Variants in AP3B2 observed in about 807,000 individuals in gnomAD.
The protein encoded by AP3B2 is adaptor related protein complex 3 subunit beta 2.
A neutral mutation model predicts 126.9 loss-of-function variants in AP3B2; 50 were observed. The ratio of observed to expected loss-of-function variants is 0.39; its 90% CI spans 0.31 to 0.50. The LOEUF (loss-of-function observed/expected upper bound fraction) is 0.50. AP3B2 is among the 20% of genes least tolerant of loss of function. The pLI, the probability that AP3B2 is intolerant of heterozygous loss-of-function variation, is 0.79. For missense variants in AP3B2, 1,177 were observed against 1,426.4 expected, an observed-to-expected ratio of 0.83 and a Z score of 2.82; for synonymous variants, 541 against 565.0, an observed-to-expected ratio of 0.96 and a Z score of 0.60.
At chr15:82,689,587 C>G in intron 1 of AP3B2, 134 bp from the exon 2 acceptor site, 1 of 717,840 alleles carries the variant, frequency 1.4e-6, no homozygotes, top group Non-Finnish European at 2.4e-6. Flanking sequence ...GGGACCAGAG[C>G]CAGGGGGAAC....
rs754270996 is a variant in AP3B2, at chr15:82,664,460, T to C, written c.2168A>G (p.Lys723Arg). 6.2e-7 allele frequency: 1 copy of C among 1,613,758 alleles called. No individual in the cohort carries two copies. Residue 723 changes from lysine (K) to arginine (R), a missense_variant, in exon 19 of 27, where the codon AAG (lysine) becomes AGG (arginine). By Grantham distance (26) the Lys-to-Arg change is conservative (BLOSUM62 2). This residue lies in a region of AP3B2 where 587 missense variants were observed against 571.3 expected (regional missense o/e 1.03). Coordinates refer to ENST00000535359, the MANE Select transcript of AP3B2 (RefSeq NM_001278512.2). The surrounding 1 kb of genome is among the most constrained non-coding windows in gnomAD (Gnocchi z 4.5). ...CCCAGAGCCGCTCTCACTGCTGCTC[T>C]TACTGTCCGATTCACTCTCAGACTC... ...DPESESESDS[K>R]SSSESGSGES...
chr15:82,670,094 C>CA (rs2048127482), intron 14 of AP3B2, among the ~76,000 whole-genome samples: 2 of 53,046 alleles, frequency 3.8e-5, no homozygotes, highest in Non-Finnish European at 8.0e-5. Flanking sequence ...AAAAAAAAAT[C>CA]AGTGGCTTTT....
rs747201211 is a variant in AP3B2, at chr15:82,662,766, G to T, written c.2761C>A (p.Pro921Thr). The T allele has an allele frequency of 1.2e-6, 2 of 1,613,886 alleles. No individual in the cohort carries two copies. Among genetic ancestry groups the T allele is most frequent in the Admixed American group, 3.3e-5 (2 of 59,998 alleles). ...GTGCCCACATGCAGGCCCTTGATGG[G>T]GGTATCAGAGCTGTTGGAGAAGTGG... The part of the protein sequence containing the change: ...HIHFSNSSDT[P>T]IKGLHVGTPK... Residue 921 changes from proline (P) to threonine (T), a missense_variant, in exon 23 of 27, where the codon CCC becomes ACC. Physicochemically the swap from Pro to Thr is conservative, Grantham distance 38 (BLOSUM62 -1). Coordinates refer to ENST00000535359, the MANE Select transcript of AP3B2 (RefSeq NM_001278512.2).
rs376957621 is a variant in AP3B2 at position 82,699,548 on chromosome 15, G to A, written c.113+10046C>T. On this transcript the variant is annotated intron_variant, in intron 1 of 26. Coordinates refer to ENST00000535359, the MANE Select transcript of AP3B2 (RefSeq NM_001278512.2). ...AGCCTCCATCAGAGGAGGTGGGACC[G>A]GAAGAGGTCTGGGCTGAGAGTGCAA... 1.9e-4 allele frequency: 76 copies of A among 399,028 alleles called. No homozygotes were observed. The South Asian group carries it at 7.7e-3, about 40-fold the overall frequency. The allele number at this position is 399,028 out of a possible 1,614,324, so 24.7% of individuals were successfully genotyped here.
In AP3B2 at chr15:82,659,389, T is replaced by A; in HGVS notation, c.*171A>T. The A allele has an allele frequency of 1.4e-6, 1 of 738,760 alleles. No individual in the cohort carries two copies. Among genetic ancestry groups the A allele is most frequent in the Middle Eastern group, 2.8e-4 (1 of 3,560 alleles). The allele number at this position is 738,760 out of a possible 1,614,324, so 45.8% of individuals were successfully genotyped here. A position where few individuals can be genotyped will look rare whatever the true frequency, so the allele number is the denominator to read the frequency against. ...TCTGCACAGATCACTAAGGAATCCA[T>A]GGGGAGGGCATTAGGGGAGGGCTTG... is the stretch of plus-strand genomic sequence containing the variant. On this transcript the variant is annotated 3_prime_UTR_variant, in exon 27 of 27. Transcript: ENST00000535359.
chr15:82,660,101 G>A (rs2047913194), intron 25 of AP3B2, 118 bp from the exon 26 acceptor site: 2 of 1,288,352 alleles, frequency 1.6e-6, no homozygotes, highest in Non-Finnish European at 2.2e-6. Context: ...CAAAGGGCAG[G>A]TCAGAATTTA....
In AP3B2 at chr15:82,709,634, C is replaced by T; in HGVS notation, c.73G>A (p.Asp25Asn). The change falls in exon 1 of 27, where the codon GAC (aspartate) becomes AAC (asparagine). Residue 25 changes from aspartate to asparagine, a missense_variant. Physicochemically the swap from Asp to Asn is conservative, Grantham distance 23. Around this residue, in one of 5 missense-constraint regions of AP3B2, gnomAD observed 49 missense variants for 39.3 expected, o/e 1.25. Coordinates refer to ENST00000535359, the MANE Select transcript of AP3B2 (RefSeq NM_001278512.2). ...GAGAAGATGCCGCCGCTCGCGGGGT[C>T]GTGGCCGTACTCGGGCTCCCCGGGG... ...AGPGEPEYGH[D>N]PASGGIFSSD... 3 of 1,520,398 alleles carry T rather than the reference C, an allele frequency of 2.0e-6. No individual in the cohort carries two copies. Among genetic ancestry groups the T allele is most frequent in the Non-Finnish European group, 2.6e-6 (3 of 1,137,024 alleles). The allele number at this position is 1,520,398 out of a possible 1,614,324, so 94.2% of individuals were successfully genotyped here.
At chr15:82,688,391 C>G in intron 4 of AP3B2, 1 of 701,924 alleles carries the variant, frequency 1.4e-6, no homozygotes, top group Non-Finnish European at 2.6e-6. Context: ...ACAATTCACA[C>G]CTTTACACAA....
At chr15:82,682,451 A>G (rs909635004) in intron 4 of AP3B2, among the ~76,000 whole-genome samples, 2 of 152,132 alleles carry the variant, frequency 1.3e-5, no homozygotes, top group Non-Finnish European at 2.9e-5. Flanking sequence ...CTGTCTTCCC[A>G]CTATCAGCAG....
Position 82,695,405 on chromosome 15 carries a change from T to C in AP3B2, c.114-5952A>G, listed in dbSNP as rs569015759. 2.4e-3 allele frequency among the ~76,000 whole-genome samples: 359 copies of C among 152,246 alleles called. 2 individuals are homozygous for C. The highest frequency in any genetic ancestry group is 8.4e-3 in the African/African-American group (348 of 41,556). ...TGAGCTGCTGTGCCCAGCTGAGGGT[T>C]GAAACTTTCAATCCCACTATTTGAC... On this transcript the variant is annotated intron_variant, in intron 1 of 26. Coordinates refer to ENST00000535359, the MANE Select transcript of AP3B2 (RefSeq NM_001278512.2).
intron 1 of AP3B2, among the ~76,000 whole-genome samples, chr15:82,704,796 A>C (rs905083239): frequency 6.6e-6 from 1 of 152,248 alleles, no homozygotes; most frequent in African/African-American, 2.4e-5. Context: ...CTTACAGTGG[A>C]GGGTAAGTCC....
At position 82,659,720 on chromosome 15, in the gene AP3B2, G is replaced by A; in HGVS notation, c.3156-10C>T. ...TGTCCTCCCTGCAAACCTGAGGTGG[G>A]AATAGAAGGGGTGAGGAAGAGCTGC... On this transcript the variant is annotated splice_polypyrimidine_tract_variant and intron_variant, in intron 26 of 26. Coordinates refer to ENST00000535359, the MANE Select transcript of AP3B2 (RefSeq NM_001278512.2). The A allele has an allele frequency of 6.2e-7, 1 of 1,613,668 alleles. No individual in the cohort carries two copies. Among genetic ancestry groups the A allele is most frequent in the Middle Eastern group, 1.7e-4 (1 of 6,060 alleles).
chr15:82,665,145 G>A lies in AP3B2; in HGVS notation c.2028+102C>T, dbSNP rs2048028770. ...CACAGAGGAGCACTGCCAAACCAAG[G>A]TGGAAACAGAGTATGGGAAGGCCCA... On this transcript the variant is annotated intron_variant, in intron 17 of 26. Coordinates refer to ENST00000535359, the MANE Select transcript of AP3B2 (RefSeq NM_001278512.2). The surrounding 1 kb of genome is among the most constrained non-coding windows in gnomAD (Gnocchi z 4.4). The A allele has an allele frequency of 7.4e-7, 1 of 1,354,996 alleles. No individual in the cohort carries two copies. Among genetic ancestry groups the A allele is most frequent in the Non-Finnish European group, 1.0e-6 (1 of 987,476 alleles). 83.9% of individuals were successfully genotyped at this position (1,354,996 alleles called of 1,614,324 possible). A position where few individuals can be genotyped will look rare whatever the true frequency, so the allele number is the denominator to read the frequency against.
At chr15:82,667,096 G>A (rs1170408588) in intron 14 of AP3B2, among the ~76,000 whole-genome samples, 163 bp from the exon 15 acceptor site, 2 of 152,132 alleles carry the variant, frequency 1.3e-5, no homozygotes, top group African/African-American at 4.8e-5. Flanking sequence ...CTTGTTCTGG[G>A]CTCAGAATTT....
At chr15:82,692,293 C>A in intron 1 of AP3B2, 1 of 691,962 alleles carries the variant, frequency 1.4e-6, no homozygotes, top group Non-Finnish European at 2.4e-6. Context: ...AAAAGGTCTT[C>A]CACGTCCTTC....
intron 14 of AP3B2, among the ~76,000 whole-genome samples, chr15:82,667,856 T>G (rs2048085830): frequency 6.6e-6 from 1 of 152,186 alleles, no homozygotes. Context: ...CCCCATCTGC[T>G]TCCCTTCACT....
Position 82,665,701 on chromosome 15 carries a change from A to G in AP3B2, c.1853-126T>C. On this transcript the variant is annotated intron_variant, in intron 15 of 26. Transcript: ENST00000535359. The surrounding 1 kb of genome is among the most constrained non-coding windows in gnomAD (Gnocchi z 4.4). The stretch of plus-strand genomic sequence containing the variant: ...CCAGGTGGGTAGGGGAAGGAGATGG[A>G]TGTGTGCCCTAATGGCTCTTCCACC... 1.4e-6 allele frequency: 1 copy of G among 697,278 alleles called. No individual in the cohort carries two copies. Among genetic ancestry groups the G allele is most frequent in the Non-Finnish European group, 2.5e-6 (1 of 398,698 alleles). 43.2% of individuals were successfully genotyped at this position (697,278 alleles called of 1,614,324 possible).
chr15:82,703,241 T>A (rs1359410196), intron 1 of AP3B2, among the ~76,000 whole-genome samples: 1 of 152,062 alleles, frequency 6.6e-6, no homozygotes, highest in Non-Finnish European at 1.5e-5. Context: ...CAAACACCAC[T>A]TTTTGGGGGG....
chr15:82,688,984 T>C (rs2048478687), intron 3 of AP3B2, 153 bp from the exon 4 acceptor site: 1 of 1,002,024 alleles, frequency 1.0e-6, no homozygotes, highest in Non-Finnish European at 1.5e-6. Flanking sequence ...TCCGGGTCCT[T>C]TACCTTGATC....
Sources: gnomAD v4.1 joint callset for allele counts (sites outside exome capture counted in the v4.1 genomes callset) on GRCh38, gnomAD v4.1.1 for gene constraint, gnomAD v4.1.1 regional missense constraint, Gnocchi (gnomAD v3.1) non-coding constraint, MANE v1.5 for transcripts, NCBI Gene and HGNC (gene_info 2026-07-23, HGNC 2026-07-21) for gene names.